CAMTA1: variants seen among roughly 807,000 people sequenced by gnomAD.
CAMTA1 encodes calmodulin binding transcription activator 1.
In CAMTA1, 27 loss-of-function variants were observed where a neutral mutation model predicts 170.9. The ratio of observed to expected loss-of-function variants is 0.16; its 90% confidence interval spans 0.12 to 0.22. The LOEUF (loss-of-function observed/expected upper bound fraction) is 0.22, where lower values mean the gene tolerates loss of function less well. Ranked by LOEUF, CAMTA1 falls within the 10% of genes least tolerant of loss-of-function variation. CAMTA1 has a pLI of 1.00. For missense variants in CAMTA1, 1,619 were observed against 2,217.2 expected, an observed-to-expected ratio of 0.73 and a Z score of 5.42; for synonymous variants, 833 against 891.5, an observed-to-expected ratio of 0.93 and a Z score of 1.17.
intron 11 of CAMTA1, among the ~76,000 whole-genome samples, chr1:7,729,114 C>CTTTTTTTTTTTTTTTTTTTTTT (rs146252158): frequency 7.0e-6 from 1 of 142,280 alleles, no homozygotes; most frequent in African/African-American, 2.6e-5. Context: ...TATGAGGAAT[C>CTTTTTTTTTTTTTTTTTTTTTT]TTTTTTTTTC....
intron 1 of CAMTA1, among the ~76,000 whole-genome samples, chr1:6,788,383 C>A (rs12753357): frequency 0.064 from 9,729 of 152,220 alleles, 344 homozygotes; most frequent in Middle Eastern, 0.099. Context: ...AGTGGCTCAT[C>A]GGAGATTGGG....
intron 6 of CAMTA1, among the ~76,000 whole-genome samples, chr1:7,469,389 G>A (rs1017839429): frequency 1.3e-5 from 2 of 152,200 alleles, no homozygotes; most frequent in Non-Finnish European, 2.9e-5. Flanking sequence ...GGTTCCACCC[G>A]AGGCCAGAGT....
At chr1:7,608,794 G>A (rs1254136851) in intron 6 of CAMTA1, among the ~76,000 whole-genome samples, 1 of 152,038 alleles carries the variant, frequency 6.6e-6, no homozygotes, top group East Asian at 1.9e-4. Context: ...AAGTGGCTTC[G>A]ACAGAGCCAG....
intron 3 of CAMTA1, among the ~76,000 whole-genome samples, chr1:7,054,273 C>T (rs541124049): frequency 6.6e-6 from 1 of 152,298 alleles, no homozygotes; most frequent in Non-Finnish European, 1.5e-5. Context: ...TCCTCCCCCA[C>T]AAGGAAGGAA....
intron 5 of CAMTA1, among the ~76,000 whole-genome samples, chr1:7,368,662 C>T (rs1035375148): frequency 1.3e-5 from 2 of 152,216 alleles, no homozygotes; most frequent in African/African-American, 4.8e-5. Context: ...GCCTTTTCTT[C>T]TTTTCTCGTC....
chr1:6,837,555 T>G (rs1304674852), intron 3 of CAMTA1, among the ~76,000 whole-genome samples: 1 of 152,226 alleles, frequency 6.6e-6, no homozygotes, highest in African/African-American at 2.4e-5. Flanking sequence ...TTAAAATAGC[T>G]TGAAATTAAG....
At chr1:7,110,460 A>G (rs1399951446) in intron 4 of CAMTA1, among the ~76,000 whole-genome samples, 2 of 152,192 alleles carry the variant, frequency 1.3e-5, no homozygotes, top group Non-Finnish European at 2.9e-5. Context: ...TTGCCCGAGC[A>G]GGCCGGGCCA....
At chr1:6,858,026 A>G (rs147148527) in intron 3 of CAMTA1, among the ~76,000 whole-genome samples, 207 of 152,332 alleles carry the variant, frequency 1.4e-3, no homozygotes, top group Non-Finnish European at 2.2e-3. Flanking sequence ...AATGCTCAAT[A>G]AAGAATTGCT....
rs1335289638 is a variant in CAMTA1, at chr1:7,655,268, C to CGT, written c.665-6458_665-6457insGT. Among the ~76,000 whole-genome samples, 79 of 116,944 alleles carry CGT rather than the reference C, an allele frequency of 6.8e-4. No homozygotes were observed. In the South Asian group the frequency reaches 0.013, roughly 19 times the overall value. The allele number at this position is 116,944 out of a possible 152,430, so 76.7% of individuals were successfully genotyped here. On this transcript the variant is annotated intron_variant, in intron 7 of 22. Coordinates refer to ENST00000303635, the MANE Select transcript of CAMTA1 (RefSeq NM_015215.4). ...CACACACCTATACACACAGACCCAC[C>CGT]TATACACACCGTTATACACACACAC...
chr1:7,488,581 CAT>C (rs747566880), intron 6 of CAMTA1, among the ~76,000 whole-genome samples: 21 of 152,150 alleles, frequency 1.4e-4, no homozygotes, highest in East Asian at 5.8e-4. Flanking sequence ...CATCTGTACA[CAT>C]GTGTACACAT....
chr1:7,179,804 A>G (rs1651721560), intron 4 of CAMTA1, among the ~76,000 whole-genome samples: 2 of 152,226 alleles, frequency 1.3e-5, no homozygotes, highest in East Asian at 3.8e-4. Context: ...AAATAAGTGA[A>G]CTAAGTTCTT....
chr1:7,471,015 G>A (rs1207021874), intron 6 of CAMTA1, among the ~76,000 whole-genome samples: 1 of 152,328 alleles, frequency 6.6e-6, no homozygotes. Flanking sequence ...CTGTGGTGAC[G>A]TATCCACCCC....
At chr1:7,363,220 T>C (rs2085691993) in intron 5 of CAMTA1, among the ~76,000 whole-genome samples, 1 of 152,262 alleles carries the variant, frequency 6.6e-6, no homozygotes, top group Admixed American at 6.5e-5. Context: ...CTGTTTTTCT[T>C]GCATCCATTT....
chr1:7,285,216 T>C (rs1243028755), intron 5 of CAMTA1, among the ~76,000 whole-genome samples: 1 of 152,184 alleles, frequency 6.6e-6, no homozygotes, highest in Non-Finnish European at 1.5e-5. Flanking sequence ...AATGAGTCAG[T>C]GAGAGCCCAT....
Position 7,007,182 on chromosome 1 carries a change from C to T in CAMTA1, c.235-84122C>T, listed in dbSNP as rs943723871. On this transcript the variant is annotated intron_variant, in intron 3 of 22. Transcript: ENST00000303635. This position sits in a 1 kb window ranked among gnomAD's most constrained non-coding sequence, Gnocchi z 4.5. ...AAGAGAGGTGCTCTGCTGCTGGCTG[C>T]GGCAAGGAACTGATCACATAGGATC... 9.2e-5 allele frequency among the ~76,000 whole-genome samples: 14 copies of T among 152,056 alleles called. No homozygotes were observed. Among genetic ancestry groups the T allele is most frequent in the Admixed American group, 7.2e-4 (11 of 15,260 alleles).
At chr1:7,659,017 C>T (rs979979644) in intron 7 of CAMTA1, among the ~76,000 whole-genome samples, 6 of 152,178 alleles carry the variant, frequency 3.9e-5, no homozygotes, top group Non-Finnish European at 8.8e-5. Flanking sequence ...CCCCACCCAT[C>T]CCCCTTAGTG....
chr1:7,062,725 C>T (rs1487164629), intron 3 of CAMTA1, among the ~76,000 whole-genome samples: 1 of 152,196 alleles, frequency 6.6e-6, no homozygotes, highest in Non-Finnish European at 1.5e-5. Flanking sequence ...GAAATGCACC[C>T]TCTCATAGTT....
rs79804699 is a variant in CAMTA1 at position 7,309,758 on chromosome 1, T to C, written c.438+60132T>C. ...TGGTTGCTCTATGGGTTACAATACA[T>C]TCTTTTTGCAATCTACTTAGAATCA... On this transcript the variant is annotated intron_variant, in intron 5 of 22. Coordinates refer to ENST00000303635, the MANE Select transcript of CAMTA1 (RefSeq NM_015215.4). Among the ~76,000 whole-genome samples, 828 of 152,198 alleles carry C rather than the reference T, an allele frequency of 5.4e-3. 13 individuals are homozygous for C. The highest frequency in any genetic ancestry group is 0.019 in the African/African-American group (791 of 41,530).
chr1:7,313,439 C>T (rs563467091), intron 5 of CAMTA1, among the ~76,000 whole-genome samples: 11 of 152,346 alleles, frequency 7.2e-5, no homozygotes, highest in Admixed American at 1.3e-4. Context: ...CTGCACTCCA[C>T]GGCTTTGCCT....
Sources: allele counts gnomAD v4.1 joint callset (sites outside exome capture counted in the v4.1 genomes callset), GRCh38; gene constraint gnomAD v4.1.1; non-coding constraint Gnocchi (gnomAD v3.1); transcripts MANE v1.5; gene names NCBI Gene and HGNC (gene_info 2026-07-23, HGNC 2026-07-21).